Variants in M6PR observed in about 807,000 individuals in gnomAD.
The protein encoded by M6PR is cation-dependent mannose-6-phosphate receptor.
Under a neutral mutation model 33.1 loss-of-function variants are expected in M6PR, and 19 were observed. The ratio of observed to expected loss-of-function variants is 0.57; its 90% CI spans 0.40 to 0.84. The LOEUF is 0.84. M6PR is among the 40% of genes least tolerant of loss of function. The pLI is 0.00. For missense variants in M6PR, 295 were observed against 336.0 expected (o/e 0.88, Z 0.95); for synonymous variants, 111 against 123.4 (o/e 0.90, Z 0.67).
Position 8,944,083 on chromosome 12 carries a change from A to G in M6PR, c.344-173T>C, listed in dbSNP as rs1309216100. Among the ~76,000 whole-genome samples, 3 of 152,330 alleles carry G rather than the reference A, an allele frequency of 2.0e-5. No homozygotes were observed. The East Asian group carries it at 5.8e-4, about 29-fold the overall frequency. On this transcript the variant is annotated intron_variant, in intron 3 of 6. Coordinates refer to ENST00000000412, the MANE Select transcript of M6PR (RefSeq NM_002355.4). ...GCCAAGCTAAACTTGTTTGCTTACA[A>G]AGACTTGTGTTCCCTTAAGACAAGA... is the stretch of plus-strand genomic sequence containing the variant.
intron 6 of M6PR, 77 bp from the exon 7 acceptor site, chr12:8,942,017 G>A: frequency 6.6e-7 from 1 of 1,522,574 alleles, no homozygotes; most frequent in Non-Finnish European, 9.0e-7. Context: ...TTATGGTCTA[G>A]GAATGTGGCA....
chr12:8,941,649 A>G lies in M6PR; in HGVS notation c.*169T>C. On this transcript the variant is annotated 3_prime_UTR_variant, in exon 7 of 7. Coordinates refer to ENST00000000412, the MANE Select transcript of M6PR (RefSeq NM_002355.4). ...AGAGAAAAAACAGAAAATAAGGAAC[A>G]AAGGGAAGGCAGTTTTACTAGTGAG... 1.3e-6 allele frequency: 1 copy of G among 750,678 alleles called. No individual in the cohort carries two copies. The highest frequency in any genetic ancestry group is 2.2e-6 in the Non-Finnish European group (1 of 459,812). The allele number at this position is 750,678 out of a possible 1,614,324, so 46.5% of individuals were successfully genotyped here. A position where few individuals can be genotyped will look rare whatever the true frequency, so the allele number is the denominator to read the frequency against.
chr12:8,943,005 G>C (rs764322940), intron 5 of M6PR, among the ~76,000 whole-genome samples: 1 of 150,626 alleles, frequency 6.6e-6, no homozygotes, highest in Admixed American at 6.6e-5. Flanking sequence ...CCAGGCTGGA[G>C]TGCAGTGGTG....
At chr12:8,947,012 C>A (rs1379707351) in intron 1 of M6PR, among the ~76,000 whole-genome samples, 2 of 152,158 alleles carry the variant, frequency 1.3e-5, no homozygotes, top group African/African-American at 4.8e-5. Flanking sequence ...CTAACATTTT[C>A]TTTTCTCTTA....
At position 8,946,543 on chromosome 12, in the gene M6PR, A is replaced by C. The variant is rs930152686; in HGVS notation, c.-1-138T>G. 10 of 619,326 alleles carry C rather than the reference A, an allele frequency of 1.6e-5. No homozygotes were observed. The African/African-American group carries it at 1.8e-4, about 11-fold the overall frequency. The allele number at this position is 619,326 out of a possible 1,614,324, so 38.4% of individuals were successfully genotyped here. On this transcript the variant is annotated intron_variant, in intron 1 of 6. Transcript: ENST00000000412. ...CAAGATTCTCTGGCATATGCAACAC[A>C]TAGTACATTTTAATATCTCTGTAAC...
intron 4 of M6PR, 101 bp from the exon 5 acceptor site, chr12:8,943,636 C>T (rs937764518): frequency 6.7e-7 from 1 of 1,499,400 alleles, no homozygotes; most frequent in African/African-American, 1.4e-5. Flanking sequence ...CCTGGTTCAG[C>T]AGCCTATTTT....
chr12:8,942,195 A>G (rs1335650960), intron 6 of M6PR: 2 of 686,980 alleles, frequency 2.9e-6, no homozygotes, highest in Admixed American at 2.9e-5. Context: ...CATCTGGTCA[A>G]CAGTGTTGCT....
rs752448603 is a variant in M6PR, at chr12:8,942,391, T to G, written c.711+25A>C. The G allele has an allele frequency of 3.7e-6, 6 of 1,614,110 alleles. No individual in the cohort carries two copies. The Admixed American group carries it at 1.0e-4, about 27-fold the overall frequency. On this transcript the variant is annotated intron_variant, in intron 6 of 6. Coordinates refer to ENST00000000412, the MANE Select transcript of M6PR (RefSeq NM_002355.4). ...CCCAACCTTGTTTGCAGGCTACAAA[T>G]TCAACCAGCTGCCCTGTTACTTACT...
At position 8,943,386 on chromosome 12, in the gene M6PR, TA is replaced by T. The variant is rs1380550522; in HGVS notation, c.584+18del. The T allele has an allele frequency of 6.2e-7, 1 of 1,614,014 alleles. No individual in the cohort carries two copies. The highest frequency in any genetic ancestry group is 1.1e-5 in the South Asian group (1 of 91,072). On this transcript the variant is annotated intron_variant, in intron 5 of 6. Coordinates refer to ENST00000000412, the MANE Select transcript of M6PR (RefSeq NM_002355.4). ...CAAAAGGAAGGAAGGTCTGTTCTGA[TA>T]AAGGAAGGCATACTCACGTGACAAG...
intron 5 of M6PR, among the ~76,000 whole-genome samples, chr12:8,942,911 C>T (rs930952657): frequency 6.6e-6 from 1 of 151,600 alleles, no homozygotes; most frequent in Non-Finnish European, 1.5e-5. Flanking sequence ...ATACCGGCAA[C>T]TAAACATTAA....
chr12:8,944,323 G>A (rs1288960739), intron 3 of M6PR, among the ~76,000 whole-genome samples: 1 of 152,172 alleles, frequency 6.6e-6, no homozygotes, highest in Non-Finnish European at 1.5e-5. Context: ...GGATATCTAA[G>A]ATTGGAATGC....
intron 6 of M6PR, chr12:8,942,166 A>T: frequency 1.5e-6 from 1 of 687,670 alleles, no homozygotes; most frequent in Non-Finnish European, 2.4e-6. Context: ...TTAAAAGCTA[A>T]ATCAGATTTA....
chr12:8,942,341 G>T (rs1310934792), intron 6 of M6PR, 75 bp downstream of exon 6: 1 of 1,604,550 alleles, frequency 6.2e-7, no homozygotes, highest in African/African-American at 1.3e-5. Flanking sequence ...CCCCCTCAGT[G>T]TGAACAAACG....
At chr12:8,947,769 T>C (rs1031944767) in intron 1 of M6PR, among the ~76,000 whole-genome samples, 1 of 151,836 alleles carries the variant, frequency 6.6e-6, no homozygotes, top group Non-Finnish European at 1.5e-5. Context: ...GTTGAACAAC[T>C]ACATGTATAT....
rs750994631 is a variant in M6PR, at chr12:8,942,963, T to G, written c.585-421A>C. ...ACTTGCAGTCAGAATTTTTTTTTTTTTTTTTTTTAGACGGAGTTTTGCCCT... is the reference window on the plus strand; with the variant it reads ...ACTTGCAGTCAGAATTTTTTTTTTTGTTTTTTTTAGACGGAGTTTTGCCCT... On this transcript the variant is annotated intron_variant, in intron 5 of 6. Coordinates refer to ENST00000000412, the MANE Select transcript of M6PR (RefSeq NM_002355.4). Among the ~76,000 whole-genome samples, 929 of 152,184 alleles carry G rather than the reference T, an allele frequency of 6.1e-3. 9 individuals are homozygous for G. The highest frequency in any genetic ancestry group is 0.017 in the Middle Eastern group (5 of 294).
At chr12:8,944,426 C>T (rs752975762) in intron 3 of M6PR, among the ~76,000 whole-genome samples, 3 of 152,260 alleles carry the variant, frequency 2.0e-5, no homozygotes, top group South Asian at 2.1e-4. Context: ...AGATTCTGCT[C>T]CTAGTTTTGC....
rs143053831 is a variant in M6PR at position 8,942,532 on chromosome 12, G to C, written c.595C>G (p.Leu199Val). ...GSILLVTFAS[L>V]VAVYVVGGFL... Reference sequence around the variant, plus strand: ...CCCCCAACAACATAAACAGCAACCAGTGATGCAAACCTGTAGAGAGAGAAA... The same window carrying C: ...CCCCCAACAACATAAACAGCAACCACTGATGCAAACCTGTAGAGAGAGAAA... Residue 199 changes from leucine to valine, a missense_variant, in exon 6 of 7, where the codon CTG becomes GTG. Leu to Val is a conservative substitution (Grantham distance 32, BLOSUM62 1). Transcript: ENST00000000412. 1.5e-4 allele frequency: 246 copies of C among 1,614,066 alleles called. No individual in the cohort carries two copies. The highest frequency in any genetic ancestry group is 2.0e-4 in the Non-Finnish European group (238 of 1,180,012).
At chr12:8,946,456 G>A (rs1365405308) in intron 1 of M6PR, 51 bp from the exon 2 acceptor site, 2 of 1,435,556 alleles carry the variant, frequency 1.4e-6, no homozygotes, top group Non-Finnish European at 2.0e-6. Flanking sequence ...AGGAGAGAGA[G>A]GAAAGAGATA....
chr12:8,946,617 T>G, intron 1 of M6PR: 1 of 449,942 alleles, frequency 2.2e-6, no homozygotes, highest in Non-Finnish European at 3.9e-6. Context: ...TGTAGTCTAA[T>G]GTATAGGTGA....
Sources: allele counts gnomAD v4.1 joint callset (sites outside exome capture counted in the v4.1 genomes callset), GRCh38; gene constraint gnomAD v4.1.1; transcripts MANE v1.5; gene names NCBI Gene and HGNC (gene_info 2026-07-23, HGNC 2026-07-21).